Variants in ERFL observed in about 807,000 individuals in gnomAD.
ERFL encodes ETS domain-containing transcription factor ERF-like.
ERFL carries 8 observed loss-of-function variants against 27.9 expected under a neutral mutation model. The observed-to-expected ratio is 0.29, with a 90% CI of 0.17 to 0.52. The LOEUF (loss-of-function observed/expected upper bound fraction) is 0.52. Among genes scored for constraint, ERFL ranks in the 20% least tolerant of loss-of-function variants. The pLI is 0.97. For missense variants in ERFL, 294 were observed against 444.4 expected, an observed-to-expected ratio of 0.66 and a Z score of 3.04; for synonymous variants, 174 against 202.8, an observed-to-expected ratio of 0.86 and a Z score of 1.21.
rs963694361 is a variant in ERFL, at chr19:41,916,124, C to G, written c.-13-3192G>C. On this transcript the variant is annotated intron_variant, in intron 1 of 5. Transcript: ENST00000597630. The surrounding 1 kb of genome is among the most constrained non-coding windows in gnomAD (Gnocchi z 5.4). ...CGCTGGGCAGGCGAGGGCCCTCCTC[C>G]CTTCTCTCCCTGCCAAGCACAACCA... Among the ~76,000 whole-genome samples, 15 of 152,166 alleles carry G rather than the reference C, an allele frequency of 9.9e-5. No individual in the cohort carries two copies. Among genetic ancestry groups the G allele is most frequent in the Admixed American group, 8.5e-4 (13 of 15,288 alleles).
In ERFL at chr19:41,917,044, C is replaced by T. The variant is rs1555852021; in HGVS notation, c.-13-4112G>A. Among the ~76,000 whole-genome samples the T allele has an allele frequency of 6.6e-6, 1 of 152,166 alleles. No individual in the cohort carries two copies. Among genetic ancestry groups the T allele is most frequent in the Non-Finnish European group, 1.5e-5 (1 of 68,002 alleles). Reference sequence around the variant, plus strand: ...TGTGTGTGCACATATGTGACACGTGCCCTTGTCTCAGACCTGCTTCTGTGA... The same window carrying T: ...TGTGTGTGCACATATGTGACACGTGTCCTTGTCTCAGACCTGCTTCTGTGA... On this transcript the variant is annotated intron_variant, in intron 1 of 5. Transcript: ENST00000597630. This position sits in a 1 kb window ranked among gnomAD's most constrained non-coding sequence, Gnocchi z 4.8.
At position 41,908,319 on chromosome 19, in the gene ERFL, T is replaced by C; in HGVS notation, c.974A>G (p.Asp325Gly). 3.2e-6 allele frequency: 4 copies of C among 1,231,428 alleles called. No individual in the cohort carries two copies. Among genetic ancestry groups the C allele is most frequent in the Non-Finnish European group, 4.0e-6 (4 of 987,782 alleles). 76.3% of individuals were successfully genotyped at this position (1,231,428 alleles called of 1,614,324 possible). ...EDSDSELEIT[D>G]VSGCSSDSEG... ...GCTGTCAGAGCTGCAGCCGCTGACG[T>C]CGGTGATCTCCAGCTCCGAGTCGCT... Residue 325 changes from aspartate (D) to glycine (G), a missense_variant, in exon 6 of 6, where the codon GAC becomes GGC. By Grantham distance (94) the Asp-to-Gly change is moderately conservative. This residue lies in a region of ERFL where 246 missense variants were observed against 371.4 expected (regional missense o/e 0.66). Transcript: ENST00000597630. This position sits in a 1 kb window ranked among gnomAD's most constrained non-coding sequence, Gnocchi z 6.7.
In ERFL at chr19:41,912,897, T is replaced by C; in HGVS notation, c.23A>G (p.Asp8Gly). ...CAGGGCGGGCGGGGCGAAGAGAAGGTCGGAGACGCAGCTACAGTCCATGGC... is the reference window on the plus strand; with the variant it reads ...CAGGGCGGGCGGGGCGAAGAGAAGGCCGGAGACGCAGCTACAGTCCATGGC... MDCSCVS[D>G]LLFAPPALPA... The change falls in exon 2 of 6, where the codon GAC (aspartate) becomes GGC (glycine). Residue 8 changes from aspartate (D) to glycine (G), a missense_variant. This residue lies in a region of ERFL where 38 missense variants were observed against 35.3 expected (regional missense o/e 1.08). Transcript: ENST00000597630. The C allele has an allele frequency of 8.1e-7, 1 of 1,231,050 alleles. No homozygotes were observed. Among genetic ancestry groups the C allele is most frequent in the Non-Finnish European group, 1.0e-6 (1 of 987,810 alleles). The allele number at this position is 1,231,050 out of a possible 1,614,324, so 76.3% of individuals were successfully genotyped here.
intron 2 of ERFL, among the ~76,000 whole-genome samples, chr19:41,912,556 C>T (rs1450277779): frequency 1.3e-5 from 2 of 152,338 alleles, no homozygotes; most frequent in Admixed American, 6.5e-5. Flanking sequence ...CAGGCTGAGA[C>T]GTGCGTGGCA....
intron 1 of ERFL, among the ~76,000 whole-genome samples, chr19:41,926,486 T>A (rs2074871061): frequency 6.6e-6 from 1 of 152,004 alleles, no homozygotes; most frequent in Non-Finnish European, 1.5e-5. Flanking sequence ...GTGGGTGCAG[T>A]GTGACTCTGC....
At position 41,910,216 on chromosome 19, in the gene ERFL, G is replaced by T. The variant is rs535773308; in HGVS notation, c.68-119C>A. 1.6e-4 allele frequency: 164 copies of T among 1,014,836 alleles called. 1 individual carries two copies. The South Asian group carries it at 2.2e-3, about 14-fold the overall frequency. The allele number at this position is 1,014,836 out of a possible 1,614,324, so 62.9% of individuals were successfully genotyped here. On this transcript the variant is annotated intron_variant, in intron 2 of 5. Transcript: ENST00000597630. The surrounding 1 kb of genome is among the most constrained non-coding windows in gnomAD (Gnocchi z 4.4). ...TCTCCTCCAGTCTCAGGCATCTTTAGGGACCTGGTTTCCACACTCCAAACC... is the reference window on the plus strand; with the variant it reads ...TCTCCTCCAGTCTCAGGCATCTTTATGGACCTGGTTTCCACACTCCAAACC...
intron 1 of ERFL, among the ~76,000 whole-genome samples, chr19:41,914,209 C>T (rs1317792865): frequency 6.6e-6 from 1 of 151,192 alleles, no homozygotes; most frequent in African/African-American, 2.4e-5. Context: ...CTGTCCCAGG[C>T]CCCCTCTGTT....
chr19:41,915,255 G>A (rs746899615), intron 1 of ERFL, among the ~76,000 whole-genome samples: 8 of 149,094 alleles, frequency 5.4e-5, no homozygotes, highest in Non-Finnish European at 7.4e-5. Context: ...TCGGCGCTCC[G>A]GGCCCTGCTC....
At chr19:41,920,348 T>C (rs543943949) in intron 1 of ERFL, among the ~76,000 whole-genome samples, 2 of 121,982 alleles carry the variant, frequency 1.6e-5, no homozygotes, top group South Asian at 3.4e-4. Context: ...CGTGATGCAC[T>C]CAGACGTGAC....
intron 1 of ERFL, among the ~76,000 whole-genome samples, chr19:41,925,438 GTA>G (rs1183786230): frequency 3.9e-5 from 6 of 152,120 alleles, no homozygotes; most frequent in African/African-American, 1.4e-4. Context: ...ACGTGTGTGT[GTA>G]AAGTAATGTT....
intron 1 of ERFL, among the ~76,000 whole-genome samples, chr19:41,914,402 C>T (rs960002444): frequency 1.3e-5 from 2 of 151,654 alleles, no homozygotes; most frequent in Non-Finnish European, 2.9e-5. Context: ...CTCTCCCTCT[C>T]GTCTCCATCT....
chr19:41,914,127 A>C (rs1296476403), intron 1 of ERFL, among the ~76,000 whole-genome samples: 2 of 140,070 alleles, frequency 1.4e-5, no homozygotes, highest in Admixed American at 7.2e-5. Context: ...GTCCCCTCAG[A>C]CTCGCCCGGT....
Position 41,908,529 on chromosome 19 carries a change from G to C in ERFL, c.764C>G (p.Pro255Arg). ...SLYPPHFYPN[P>R]LASSLGHLPS... ...CAGGTGGCCCAGGGAACTGGCCAGA[G>C]GGTTGGGGTAGAAATGCGGGGGGTA... Residue 255 changes from proline to arginine, a missense_variant, in exon 6 of 6, where the codon CCT becomes CGT. Coordinates refer to ENST00000597630, the MANE Select transcript of ERFL (RefSeq NM_001365103.2). This position sits in a 1 kb window ranked among gnomAD's most constrained non-coding sequence, Gnocchi z 6.7. 1 of 1,231,856 alleles carries C rather than the reference G, an allele frequency of 8.1e-7. No individual in the cohort carries two copies. The highest frequency in any genetic ancestry group is 3.2e-5 in the East Asian group (1 of 31,696). 76.3% of individuals were successfully genotyped at this position (1,231,856 alleles called of 1,614,324 possible). A position where few individuals can be genotyped will look rare whatever the true frequency, so the allele number is the denominator to read the frequency against.
chr19:41,910,431 C>T lies in ERFL; in HGVS notation c.68-334G>A, dbSNP rs1555851145. The stretch of plus-strand genomic sequence containing the variant: ...AGTGAGGAGGAATGGGGAGGGGCAC[C>T]CGCCTCCAACAGCGTTAGTCCTCTC... On this transcript the variant is annotated intron_variant, in intron 2 of 5. Transcript: ENST00000597630. This position sits in a 1 kb window ranked among gnomAD's most constrained non-coding sequence, Gnocchi z 4.4. Among the ~76,000 whole-genome samples the T allele has an allele frequency of 1.3e-5, 2 of 152,066 alleles. No homozygotes were observed. Among genetic ancestry groups the T allele is most frequent in the East Asian group, 3.9e-4 (2 of 5,194 alleles).
Position 41,909,132 on chromosome 19 carries a change from C to A in ERFL, c.544G>T (p.Ala182Ser). The change falls in exon 5 of 6, where the codon GCC becomes TCC. Residue 182 changes from alanine (A) to serine (S), a missense_variant. Coordinates refer to ENST00000597630, the MANE Select transcript of ERFL (RefSeq NM_001365103.2). The surrounding 1 kb of genome is among the most constrained non-coding windows in gnomAD (Gnocchi z 5.2). Reference protein sequence around the residue: ...FSAPRLGEPGARTPLFTSETD... With the variant: ...FSAPRLGEPGSRTPLFTSETD... ...TCGGAGGTGAACAGGGGTGTCCGGG[C>A]CCCTGGCTCTCCCAGGCGTGGGGCA... The A allele has an allele frequency of 8.1e-7, 1 of 1,231,912 alleles. No individual in the cohort carries two copies. The highest frequency in any genetic ancestry group is 1.6e-5 in the African/African-American group (1 of 64,512). 76.3% of individuals were successfully genotyped at this position (1,231,912 alleles called of 1,614,324 possible). A position where few individuals can be genotyped will look rare whatever the true frequency, so the allele number is the denominator to read the frequency against.
chr19:41,911,026 C>T (rs536582195), intron 2 of ERFL, among the ~76,000 whole-genome samples: 117 of 152,290 alleles, frequency 7.7e-4, no homozygotes, highest in African/African-American at 2.5e-3. Flanking sequence ...ACACACTGTA[C>T]GATGGAGACG....
chr19:41,921,339 G>A lies in ERFL; in HGVS notation c.-14+6701C>T, dbSNP rs1434322043. 6.6e-6 allele frequency among the ~76,000 whole-genome samples: 1 copy of A among 152,162 alleles called. No homozygotes were observed. The highest frequency in any genetic ancestry group is 2.4e-5 in the African/African-American group (1 of 41,420). On this transcript the variant is annotated intron_variant, in intron 1 of 5. Transcript: ENST00000597630. The surrounding 1 kb of genome is among the most constrained non-coding windows in gnomAD (Gnocchi z 4.4). ...ATACATGGAGAACTGAGAGGAAGCA[G>A]GAGTGAGACACGGAGGGAGATGGAG... is the stretch of plus-strand genomic sequence containing the variant.
Position 41,909,867 on chromosome 19 carries a change from G to A in ERFL, c.298C>T (p.Leu100=). Reference sequence around the variant, plus strand: ...CAGCCCCAAGCCCTTCCTCACCGCAGGGCCCGGCTCAGCTTGTCGTAATTC... The same window carrying A: ...CAGCCCCAAGCCCTTCCTCACCGCAAGGCCCGGCTCAGCTTGTCGTAATTC... ...HMNYDKLSRA[L]RYYYNKRILH... The change falls in exon 3 of 6, where the codon CTG becomes TTG. Residue 100 remains leucine (L), a synonymous_variant. Transcript: ENST00000597630. This position sits in a 1 kb window ranked among gnomAD's most constrained non-coding sequence, Gnocchi z 5.2. 1 of 1,609,556 alleles carries A rather than the reference G, an allele frequency of 6.2e-7. No homozygotes were observed. Among genetic ancestry groups the A allele is most frequent in the African/African-American group, 1.3e-5 (1 of 74,898 alleles).
At chr19:41,924,405 G>C (rs1360743962) in intron 1 of ERFL, among the ~76,000 whole-genome samples, 1 of 152,112 alleles carries the variant, frequency 6.6e-6, no homozygotes, top group East Asian at 1.9e-4. Flanking sequence ...GCAAGTACGT[G>C]CCTCATGAGG....
Sources: gnomAD v4.1 joint callset for allele counts (sites outside exome capture counted in the v4.1 genomes callset) on GRCh38, gnomAD v4.1.1 for gene constraint, gnomAD v4.1.1 regional missense constraint, Gnocchi (gnomAD v3.1) non-coding constraint, MANE v1.5 for transcripts, NCBI Gene and HGNC (gene_info 2026-07-23, HGNC 2026-07-21) for gene names.